Variants in TSPAN18 observed in about 807,000 individuals in gnomAD.
The protein encoded by TSPAN18 is tetraspanin 18.
TSPAN18 carries 14 observed loss-of-function variants against 27.3 expected under a neutral mutation model. The observed-to-expected ratio is 0.51, with a 90% CI of 0.34 to 0.80. The LOEUF is 0.80. Among genes scored for constraint, TSPAN18 ranks in the 30% least tolerant of loss-of-function variants. The pLI, the probability that TSPAN18 is intolerant of heterozygous loss-of-function variation, is 0.01. For missense variants in TSPAN18, 268 were observed against 323.9 expected, an observed-to-expected ratio of 0.83 and a Z score of 1.32; for synonymous variants, 143 against 136.5, an observed-to-expected ratio of 1.05 and a Z score of -0.33.
chr11:44,742,439 C>T (rs1272964435), intron 1 of TSPAN18, among the ~76,000 whole-genome samples: 1 of 151,426 alleles, frequency 6.6e-6, no homozygotes, highest in East Asian at 1.9e-4. Context: ...GCATTGTGTG[C>T]ACTAGACTTT....
At chr11:44,739,702 A>T (rs1218868300) in intron 1 of TSPAN18, among the ~76,000 whole-genome samples, 3 of 152,250 alleles carry the variant, frequency 2.0e-5, no homozygotes, top group African/African-American at 7.2e-5. Context: ...TAGCAAGAGA[A>T]TATGGAAATA....
intron 2 of TSPAN18, among the ~76,000 whole-genome samples, chr11:44,822,861 C>G (rs896833021): frequency 3.2e-4 from 49 of 152,138 alleles, no homozygotes; most frequent in African/African-American, 1.1e-3. Flanking sequence ...TCCTGCTAAA[C>G]CAAGTTAAGG....
intron 1 of TSPAN18, among the ~76,000 whole-genome samples, chr11:44,753,161 C>T (rs1023578342): frequency 5.3e-5 from 8 of 152,078 alleles, no homozygotes; most frequent in African/African-American, 1.9e-4. Flanking sequence ...CAGAGTCTTA[C>T]TCTATCACTC....
At chr11:44,922,121 T>G (rs1169849015) in intron 8 of TSPAN18, among the ~76,000 whole-genome samples, 1 of 150,714 alleles carries the variant, frequency 6.6e-6, no homozygotes, top group South Asian at 2.1e-4. Context: ...GGATGCATTT[T>G]TTTTTTTTTT....
In TSPAN18 at chr11:44,793,998, C is replaced by T. The variant is rs146344139; in HGVS notation, c.-153+29486C>T. ...GAACAGGGGGGTGGGGGGAGTTAGG[C>T]GATCTGTCAGCGGGTGGGACTTGAA... On this transcript the variant is annotated intron_variant, in intron 2 of 9. Coordinates refer to ENST00000520358, the MANE Select transcript of TSPAN18 (RefSeq NM_130783.5). 2.3e-3 allele frequency among the ~76,000 whole-genome samples: 352 copies of T among 152,134 alleles called. 2 individuals carry two copies. Among genetic ancestry groups the T allele is most frequent in the Non-Finnish European group, 3.8e-3 (261 of 67,990 alleles).
intron 2 of TSPAN18, among the ~76,000 whole-genome samples, chr11:44,827,907 G>C (rs1425609669): frequency 6.6e-6 from 1 of 152,178 alleles, no homozygotes; most frequent in Admixed American, 6.5e-5. Context: ...CTGCAGGCTG[G>C]GACAGGCCTC....
chr11:44,862,939 G>T (rs533257754), intron 3 of TSPAN18, among the ~76,000 whole-genome samples: 5 of 152,282 alleles, frequency 3.3e-5, no homozygotes, highest in African/African-American at 9.6e-5. Context: ...CCTGCTCCTG[G>T]AGTGTGCACC....
chr11:44,893,182 G>C (rs950286397), intron 3 of TSPAN18, among the ~76,000 whole-genome samples: 11 of 152,220 alleles, frequency 7.2e-5, no homozygotes, highest in African/African-American at 1.4e-4. Flanking sequence ...GCAGGGACAG[G>C]GTGCCCATCC....
chr11:44,788,797 C>T lies in TSPAN18; in HGVS notation c.-153+24285C>T, dbSNP rs79488656. Among the ~76,000 whole-genome samples, 136 of 152,282 alleles carry T rather than the reference C, an allele frequency of 8.9e-4. 3 individuals are homozygous for T. In the East Asian group the frequency reaches 0.024, roughly 27 times the overall value. On this transcript the variant is annotated intron_variant, in intron 2 of 9. Transcript: ENST00000520358. ...AAGTATTTGTGAGAGCTGGCAGCAC[C>T]TTGCTGGTGGCTTTGTTTCTCCTGT...
At chr11:44,838,131 C>G (rs1405915555) in intron 2 of TSPAN18, among the ~76,000 whole-genome samples, 1 of 152,174 alleles carries the variant, frequency 6.6e-6, no homozygotes, top group African/African-American at 2.4e-5. Context: ...GCATATTAGT[C>G]TATTCTCAAG....
intron 2 of TSPAN18, among the ~76,000 whole-genome samples, chr11:44,844,495 A>G (rs1489250149): frequency 1.3e-5 from 2 of 152,134 alleles, no homozygotes; most frequent in Non-Finnish European, 2.9e-5. Flanking sequence ...CTCCTCATCC[A>G]CACTTGGCAT....
At chr11:44,790,456 T>G (rs573872825) in intron 2 of TSPAN18, among the ~76,000 whole-genome samples, 64 of 150,748 alleles carry the variant, frequency 4.2e-4, no homozygotes, top group African/African-American at 1.5e-3. Flanking sequence ...TGTGTGCATG[T>G]GTGTATGCAT....
intron 3 of TSPAN18, among the ~76,000 whole-genome samples, chr11:44,892,926 C>T (rs530306122): frequency 3.3e-5 from 5 of 152,328 alleles, no homozygotes; most frequent in South Asian, 4.1e-4. Context: ...GAGTTACCTA[C>T]GTGCAGGTGT....
intron 1 of TSPAN18, among the ~76,000 whole-genome samples, chr11:44,732,383 A>G (rs1854684403): frequency 6.6e-6 from 1 of 152,262 alleles, no homozygotes; most frequent in South Asian, 2.1e-4. Context: ...GTGAAGGCTC[A>G]GGAAGAATTC....
Position 44,929,259 on chromosome 11 carries a change from T to C in TSPAN18, c.*81T>C. On this transcript the variant is annotated 3_prime_UTR_variant, in exon 10 of 10. Coordinates refer to ENST00000520358, the MANE Select transcript of TSPAN18 (RefSeq NM_130783.5). ...TGTCCTCCCGTGCCCCTCCCCGCTG[T>C]CCTCTTGGCCCCAGGGGAGAAGATG... 1 of 1,566,140 alleles carries C rather than the reference T, an allele frequency of 6.4e-7. No individual in the cohort carries two copies. The highest frequency in any genetic ancestry group is 8.8e-7 in the Non-Finnish European group (1 of 1,141,832).
At chr11:44,854,719 G>C (rs1279962027) in intron 2 of TSPAN18, among the ~76,000 whole-genome samples, 1 of 152,178 alleles carries the variant, frequency 6.6e-6, no homozygotes, top group Non-Finnish European at 1.5e-5. Flanking sequence ...CCTGTGTGCA[G>C]GAGCCCTGTT....
chr11:44,755,647 G>T (rs1275531808), intron 1 of TSPAN18, among the ~76,000 whole-genome samples: 3 of 151,550 alleles, frequency 2.0e-5, no homozygotes, highest in Non-Finnish European at 4.4e-5. Flanking sequence ...GCAAAACAAA[G>T]CCCTGGCTTT....
Position 44,729,826 on chromosome 11 carries a change from G to A in TSPAN18, c.-240+2539G>A, listed in dbSNP as rs1467446825. Among the ~76,000 whole-genome samples the A allele has an allele frequency of 2.6e-5, 4 of 152,102 alleles. No individual in the cohort carries two copies. In the South Asian group the frequency reaches 6.2e-4, roughly 24 times the overall value. ...GGTGTGTTGGAGGGCAGGGTGCTGG[G>A]TAGGGACACAGGATTAATTCAAGGA... On this transcript the variant is annotated intron_variant, in intron 1 of 9. Coordinates refer to ENST00000520358, the MANE Select transcript of TSPAN18 (RefSeq NM_130783.5).
intron 1 of TSPAN18, among the ~76,000 whole-genome samples, chr11:44,729,118 C>G (rs923630879): frequency 6.6e-6 from 1 of 152,064 alleles, no homozygotes; most frequent in Non-Finnish European, 1.5e-5. Context: ...TGCTCCAGGA[C>G]AAAGTTGCCA....
Sources: allele counts gnomAD v4.1 joint callset (sites outside exome capture counted in the v4.1 genomes callset), GRCh38; gene constraint gnomAD v4.1.1; transcripts MANE v1.5; gene names NCBI Gene and HGNC (gene_info 2026-07-23, HGNC 2026-07-21).